Variants in GPHN observed in about 807,000 individuals in gnomAD.
The protein encoded by GPHN is gephyrin.
Under a neutral mutation model 95.5 loss-of-function variants are expected in GPHN, and 17 were observed. The observed-to-expected ratio is 0.18, with a 90% CI of 0.12 to 0.27. The LOEUF is 0.27. Among genes scored for constraint, GPHN ranks in the 10% least tolerant of loss-of-function variants. GPHN has a pLI of 1.00. For missense variants in GPHN, 660 were observed against 978.1 expected (o/e 0.67, Z 4.34); for synonymous variants, 320 against 322.5 (o/e 0.99, Z 0.08).
chr14:67,585,302 G>T, the GPHN span: 4 of 440,116 alleles, frequency 9.1e-6, no homozygotes, highest in East Asian at 1.9e-4. Flanking sequence ...GGCAGCATGG[G>T]TTCTAGGGAC....
At chr14:66,711,108 C>A (rs1318244846) in intron 2 of GPHN, among the ~76,000 whole-genome samples, 5 of 152,030 alleles carry the variant, frequency 3.3e-5, no homozygotes, top group Admixed American at 3.3e-4. Flanking sequence ...TGAGTAAGTT[C>A]TTTAGTGGTG....
the GPHN span, chr14:67,578,119 C>T: frequency 5.0e-6 from 8 of 1,613,720 alleles, no homozygotes; most frequent in Non-Finnish European, 6.8e-6. The surrounding 1 kb of genome is among the most constrained non-coding windows in gnomAD (Gnocchi z 5.0). Flanking sequence ...CCTGGTTCAC[C>T]CCGAGCTGCA....
chr14:67,660,131 G>T, the GPHN span: 2 of 518,042 alleles, frequency 3.9e-6, no homozygotes, highest in African/African-American at 3.9e-5. Context: ...GCAGGCATTC[G>T]AGTATATGAA....
In GPHN at chr14:67,113,236, T is replaced by C. The variant is rs183517502; in HGVS notation, c.1626+65T>C. 17 of 1,330,896 alleles carry C rather than the reference T, an allele frequency of 1.3e-5. No homozygotes were observed. The Admixed American group carries it at 2.0e-4, about 16-fold the overall frequency. The allele number at this position is 1,330,896 out of a possible 1,614,324, so 82.4% of individuals were successfully genotyped here. On this transcript the variant is annotated intron_variant, in intron 16 of 22. Transcript: ENST00000478722. Reference sequence around the variant, plus strand: ...ATAAGATAAAGGTATTTCTGACATATGTTCTGTGTTGTAAATAGAATGTTG... The same window carrying C: ...ATAAGATAAAGGTATTTCTGACATACGTTCTGTGTTGTAAATAGAATGTTG...
intron 9 of GPHN, among the ~76,000 whole-genome samples, chr14:67,005,899 T>C (rs1333971148): frequency 6.6e-6 from 1 of 151,464 alleles, no homozygotes; most frequent in Non-Finnish European, 1.5e-5. Flanking sequence ...TAATATTATA[T>C]ATATATTATA....
the GPHN span, chr14:67,199,726 T>A: frequency 6.2e-4 from 979 of 1,577,200 alleles, 8 homozygotes; most frequent in African/African-American, 0.012. Flanking sequence ...CTGCCCCCAA[T>A]CCTGTGGTAT....
At chr14:66,988,268 T>C (rs568875820) in intron 9 of GPHN, among the ~76,000 whole-genome samples, 3 of 152,192 alleles carry the variant, frequency 2.0e-5, no homozygotes, top group African/African-American at 4.8e-5. Flanking sequence ...AAAATCTTTC[T>C]TTTCAAAAAT....
chr14:67,167,377 G>GT lies in GPHN; in HGVS notation c.1976-1549dup, dbSNP rs531046959. Among the ~76,000 whole-genome samples the GT allele has an allele frequency of 9.5e-4, 144 of 151,422 alleles. 1 individual carries two copies. Among genetic ancestry groups the GT allele is most frequent in the Non-Finnish European group, 1.8e-3 (119 of 67,688 alleles). On this transcript the variant is annotated intron_variant, in intron 20 of 22. Coordinates refer to ENST00000478722, the MANE Select transcript of GPHN (RefSeq NM_020806.5). ...TGGCTTTTTTATTTGTTGGTTTGGG[G>GT]TTTTTTTGCTTTTCCAGAAAAAAAT...
chr14:67,605,333 T>TA, the GPHN span, among the ~76,000 whole-genome samples: 744 of 152,348 alleles, frequency 4.9e-3, 36 homozygotes, highest in East Asian at 0.083. Context: ...TGATGTACAT[T>TA]AAAAATTTAT....
intron 3 of GPHN, among the ~76,000 whole-genome samples, chr14:66,790,871 TCCATGTC>T (rs1189649346): frequency 6.6e-6 from 1 of 152,214 alleles, no homozygotes; most frequent in Non-Finnish European, 1.5e-5. Flanking sequence ...AAAAAAGCTC[TCCATGTC>T]CCATAATTTT....
chr14:67,605,293 G>A, the GPHN span, among the ~76,000 whole-genome samples: 34,538 of 152,000 alleles, frequency 0.23, 5,413 homozygotes, highest in African/African-American at 0.44. Flanking sequence ...TCATTTGTAG[G>A]TATTTGATGT....
chr14:66,536,162 G>C (rs2059134668), intron 1 of GPHN, among the ~76,000 whole-genome samples: 2 of 152,138 alleles, frequency 1.3e-5, no homozygotes, highest in African/African-American at 4.8e-5. Context: ...CTGTTGCCCA[G>C]ACTGGCCTTG....
At chr14:66,857,250 TAGAA>T (rs2062841602) in intron 4 of GPHN, among the ~76,000 whole-genome samples, 1 of 151,462 alleles carries the variant, frequency 6.6e-6, no homozygotes, top group Admixed American at 6.6e-5. Context: ...AAGGAAAAAA[TAGAA>T]AGAATAAAGG....
chr14:66,971,126 C>G (rs2069736066), intron 9 of GPHN, among the ~76,000 whole-genome samples: 2 of 152,158 alleles, frequency 1.3e-5, no homozygotes, highest in Non-Finnish European at 1.5e-5. Flanking sequence ...GTAGGGAGTT[C>G]AAGACCAGCC....
At chr14:66,535,349 G>T (rs1466177726) in intron 1 of GPHN, among the ~76,000 whole-genome samples, 1 of 152,042 alleles carries the variant, frequency 6.6e-6, no homozygotes, top group African/African-American at 2.4e-5. Flanking sequence ...ATACTACCCT[G>T]TCTTAATTAC....
chr14:66,706,919 A>C (rs1249631287), intron 2 of GPHN, among the ~76,000 whole-genome samples: 1 of 152,212 alleles, frequency 6.6e-6, no homozygotes, highest in Non-Finnish European at 1.5e-5. Flanking sequence ...CACATCTGAC[A>C]AAGGTCTAAT....
chr14:67,070,370 A>C (rs746695557), intron 11 of GPHN, among the ~76,000 whole-genome samples: 1 of 148,588 alleles, frequency 6.7e-6, no homozygotes, highest in Non-Finnish European at 1.5e-5. Context: ...TAAAATCACA[A>C]CTTGTAACTA....
At chr14:67,725,141 A>G in the GPHN span, 2 of 1,614,042 alleles carry the variant, frequency 1.2e-6, no homozygotes, top group Non-Finnish European at 8.5e-7. Flanking sequence ...CTGAAGGGGG[A>G]GTCTGCTGCC....
At chr14:67,546,764 G>A in the GPHN span, among the ~76,000 whole-genome samples, 1 of 152,184 alleles carries the variant, frequency 6.6e-6, no homozygotes, top group African/African-American at 2.4e-5. Flanking sequence ...TGACTTAGAG[G>A]CCAAGGTAGG....
Sources: allele counts gnomAD v4.1 joint callset (sites outside exome capture counted in the v4.1 genomes callset), GRCh38; gene constraint gnomAD v4.1.1; non-coding constraint Gnocchi (gnomAD v3.1); transcripts MANE v1.5; gene names NCBI Gene and HGNC (gene_info 2026-07-23, HGNC 2026-07-21).